The following MSANTD1 variants were observed in gnomAD, a reference collection of about 807,000 sequenced individuals.
The protein encoded by MSANTD1 is myb/SANT-like DNA-binding domain-containing protein 1.
A neutral mutation model predicts 24.2 loss-of-function variants in MSANTD1; 7 were observed. That is an observed-to-expected ratio of 0.29 (90% CI 0.16 to 0.54). The LOEUF (loss-of-function observed/expected upper bound fraction) is 0.54. Among genes scored for constraint, MSANTD1 ranks in the 20% least tolerant of loss-of-function variants. The probability of loss-of-function intolerance (pLI) is 0.94; values close to 1 mark genes in which losing one functional copy is unlikely to be tolerated. For missense variants in MSANTD1, 384 were observed against 408.2 expected, an observed-to-expected ratio of 0.94 and a Z score of 0.51; for synonymous variants, 177 against 181.1, an observed-to-expected ratio of 0.98 and a Z score of 0.18.
chr4:3,255,857 G>A lies in MSANTD1; in HGVS notation c.729G>A (p.Glu243=), dbSNP rs1443652523. Residue 243 remains glutamate, a synonymous_variant, in exon 3 of 3, where the codon GAG becomes GAA. Transcript: ENST00000438480. The part of the protein sequence containing the change: ...LSRAVEETCR[E]VRRVLDQQHI... ...GCGCCGTGGAGGAGACCTGCCGCGA[G>A]GTGCGCCGCGTGCTGGACCAGCAGC... is the stretch of plus-strand genomic sequence containing the variant. 6.5e-7 allele frequency: 1 copy of A among 1,545,396 alleles called. No homozygotes were observed. Among genetic ancestry groups the A allele is most frequent in the African/African-American group, 1.4e-5 (1 of 73,112 alleles).
intron 1 of MSANTD1, among the ~76,000 whole-genome samples, chr4:3,250,823 C>T (rs554803323): frequency 2.6e-4 from 39 of 152,328 alleles, no homozygotes; most frequent in African/African-American, 9.4e-4. Context: ...CTGCCCCCCT[C>T]AGGCGAGGAG....
At chr4:3,254,599 A>G (rs559938965) in intron 2 of MSANTD1, among the ~76,000 whole-genome samples, 2 of 152,326 alleles carry the variant, frequency 1.3e-5, no homozygotes, top group South Asian at 2.1e-4. Flanking sequence ...GCACTGGAGC[A>G]GGGCCCTGGG....
At chr4:3,249,699 G>A (rs886773830) in intron 1 of MSANTD1, among the ~76,000 whole-genome samples, 157 bp downstream of exon 1, 3 of 152,256 alleles carry the variant, frequency 2.0e-5, no homozygotes, top group Non-Finnish European at 4.4e-5. Flanking sequence ...CCCACGGGGT[G>A]AGACGGGGCC....
intron 1 of MSANTD1, among the ~76,000 whole-genome samples, 165 bp downstream of exon 1, chr4:3,249,707 GC>G (rs1465481821): frequency 6.6e-6 from 1 of 152,264 alleles, no homozygotes; most frequent in Non-Finnish European, 1.5e-5. Context: ...GTGAGACGGG[GC>G]CCACGGAAAC....
At chr4:3,255,588 C>A in intron 2 of MSANTD1, 137 bp from the exon 3 acceptor site, 4 of 1,171,992 alleles carry the variant, frequency 3.4e-6, no homozygotes, top group South Asian at 1.7e-5. Context: ...GAATATGAGA[C>A]CCTGAGTAAG....
chr4:3,255,184 G>C (rs1162276836), intron 2 of MSANTD1, among the ~76,000 whole-genome samples: 1 of 151,948 alleles, frequency 6.6e-6, no homozygotes, highest in Non-Finnish European at 1.5e-5. Flanking sequence ...GGGGTCATCC[G>C]CTAGTCGCAA....
rs1391833649 is a variant in MSANTD1, at chr4:3,253,296, A to G, written c.410A>G (p.Glu137Gly). Residue 137 changes from glutamate (E) to glycine (G), a missense_variant, in exon 2 of 3, where the codon GAG becomes GGG. By Grantham distance (98) the Glu-to-Gly change is moderately conservative. Transcript: ENST00000438480. ...GATGGGATTCTGGCCAAGGTCCCCGAGTCCTGTGATGGCAAACTGCCGGAC... is the reference window on the plus strand; with the variant it reads ...GATGGGATTCTGGCCAAGGTCCCCGGGTCCTGTGATGGCAAACTGCCGGAC... ...AIDGILAKVP[E>G]SCDGKLPDSQ... 1 of 1,610,306 alleles carries G rather than the reference A, an allele frequency of 6.2e-7. No individual in the cohort carries two copies.
At chr4:3,244,276 G>GCCT (rs1187715752), upstream of MSANTD1, 1 of 152,702 alleles carries the variant, frequency 6.5e-6, no homozygotes, top group Non-Finnish European at 1.5e-5. Context: ...AGCTGCTGGA[G>GCCT]CCTTCATGGT....
rs201858139 is a variant in MSANTD1 at position 3,253,933 on chromosome 4, G to A, written c.596+451G>A. Among the ~76,000 whole-genome samples, 33 of 152,320 alleles carry A rather than the reference G, an allele frequency of 2.2e-4. 1 individual carries two copies. The East Asian group carries it at 6.4e-3, about 29-fold the overall frequency. Reference sequence around the variant, plus strand: ...AGCTGCCCTCTCAGCACTGGGGAGGGTGTCGGGCTGCACCTCATCACGTGT... The same window carrying A: ...AGCTGCCCTCTCAGCACTGGGGAGGATGTCGGGCTGCACCTCATCACGTGT... On this transcript the variant is annotated intron_variant, in intron 2 of 2. Coordinates refer to ENST00000438480, the MANE Select transcript of MSANTD1 (RefSeq NM_001042690.2).
intron 2 of MSANTD1, among the ~76,000 whole-genome samples, chr4:3,253,962 C>T (rs768749758): frequency 2.0e-5 from 3 of 152,176 alleles, no homozygotes; most frequent in Non-Finnish European, 4.4e-5. Context: ...CACGTGTTGC[C>T]GTGGGCATGA....
At chr4:3,253,714 C>T (rs1015335651) in intron 2 of MSANTD1, among the ~76,000 whole-genome samples, 9 of 152,232 alleles carry the variant, frequency 5.9e-5, no homozygotes, top group African/African-American at 2.2e-4. Flanking sequence ...ACGGAAAGTT[C>T]CTTGACTTCT....
chr4:3,248,809 C>A, upstream of MSANTD1: 1 of 164,526 alleles, frequency 6.1e-6, no homozygotes. Flanking sequence ...CGTTGGGGGA[C>A]TCAGCCTCCT....
At chr4:3,246,500 C>G (rs1722032153), upstream of MSANTD1, 1 of 536,912 alleles carries the variant, frequency 1.9e-6, no homozygotes, top group Non-Finnish European at 3.3e-6. Context: ...GAGCATGCTT[C>G]TAGCCTGAGC....
chr4:3,246,145 G>T (rs1722019566), upstream of MSANTD1, among the ~76,000 whole-genome samples: 1 of 152,146 alleles, frequency 6.6e-6, no homozygotes, highest in African/African-American at 2.4e-5. Flanking sequence ...AATTGCTCTG[G>T]GGAAGTCCAG....
At chr4:3,252,828 C>G (rs191880581) in intron 1 of MSANTD1, among the ~76,000 whole-genome samples, 54 of 152,312 alleles carry the variant, frequency 3.5e-4, no homozygotes, top group Non-Finnish European at 7.1e-4. Flanking sequence ...ACAATAAAAC[C>G]TTATTACTCT....
At position 3,255,920 on chromosome 4, in the gene MSANTD1, CATG is replaced by C; in HGVS notation, c.797_799del (p.Met266del). The stretch of plus-strand genomic sequence containing the variant: ...TGCAGAGCCTGCAGCTGCAGGAGCG[CATG>C]ATGAGTCTGCTGGAGAGGATCATCA... On this transcript the variant is annotated inframe_deletion, in exon 3 of 3. Transcript: ENST00000438480. 1 of 1,544,980 alleles carries C rather than the reference CATG, an allele frequency of 6.5e-7. No homozygotes were observed. The highest frequency in any genetic ancestry group is 8.7e-7 in the Non-Finnish European group (1 of 1,145,834).
At chr4:3,254,519 C>G (rs1046665209) in intron 2 of MSANTD1, among the ~76,000 whole-genome samples, 1 of 152,214 alleles carries the variant, frequency 6.6e-6, no homozygotes, top group Non-Finnish European at 1.5e-5. Flanking sequence ...GCCCAAAGCG[C>G]GGATCTCACG....
chr4:3,253,919 C>G (rs1212621961), intron 2 of MSANTD1, among the ~76,000 whole-genome samples: 1 of 152,256 alleles, frequency 6.6e-6, no homozygotes, highest in Admixed American at 6.5e-5. Context: ...GCTGCCCTCT[C>G]AGCACTGGGG....
upstream of MSANTD1, chr4:3,245,022 C>A (rs1721977847): frequency 6.6e-6 from 1 of 152,376 alleles, no homozygotes; most frequent in South Asian, 2.1e-4. Context: ...TCCAGGGCCC[C>A]CCAGTGGCCT....
Sources: gnomAD v4.1 joint callset for allele counts (sites outside exome capture counted in the v4.1 genomes callset) on GRCh38, gnomAD v4.1.1 for gene constraint, MANE v1.5 for transcripts, NCBI Gene and HGNC (gene_info 2026-07-23, HGNC 2026-07-21) for gene names.